Variants in ARAP2 observed in about 807,000 individuals in gnomAD.
The protein encoded by ARAP2 is ArfGAP with RhoGAP domain, ankyrin repeat and PH domain 2, also known as arf-GAP with Rho-GAP domain, ANK repeat and PH domain-containing protein 2.
A neutral mutation model predicts 194.5 loss-of-function variants in ARAP2; 148 were observed. That is an observed-to-expected ratio of 0.76 (90% CI 0.67 to 0.87). ARAP2 has a LOEUF of 0.87. Among genes scored for constraint, ARAP2 ranks in the 40% least tolerant of loss-of-function variants. The pLI, the probability that ARAP2 is intolerant of heterozygous loss-of-function variation, is 0.00. For missense variants in ARAP2, 2,128 were observed against 1,989.7 expected, an observed-to-expected ratio of 1.07 and a Z score of -1.32; for synonymous variants, 695 against 683.5, an observed-to-expected ratio of 1.02 and a Z score of -0.26.
At chr4:36,233,068 C>CT (rs1751803054) in intron 1 of ARAP2, among the ~76,000 whole-genome samples, 1 of 152,140 alleles carries the variant, frequency 6.6e-6, no homozygotes, top group Non-Finnish European at 1.5e-5. Context: ...AAGGCTCCCT[C>CT]CCACAGCCCT....
Position 36,159,463 on chromosome 4 carries a change from T to C in ARAP2, c.2485A>G (p.Met829Val). ...AVVKPDVLET[M>V]ALLFSGADVM... ...TCTGCTCCACTGAACAGCAAAGCCA[T>C]TGTTTCTAGAACATCCGGTTTCACT... Residue 829 changes from methionine to valine, a missense_variant, in exon 14 of 33, where the codon ATG (methionine) becomes GTG (valine). Physicochemically the swap from Met to Val is conservative, Grantham distance 21. Coordinates refer to ENST00000303965, the MANE Select transcript of ARAP2 (RefSeq NM_015230.4). 1 of 1,595,394 alleles carries C rather than the reference T, an allele frequency of 6.3e-7. No homozygotes were observed.
At chr4:36,229,949 C>A (rs1341611883) in intron 1 of ARAP2, among the ~76,000 whole-genome samples, 3 of 152,028 alleles carry the variant, frequency 2.0e-5, no homozygotes, top group Admixed American at 2.0e-4. Context: ...AATGAGGGAA[C>A]CAGTAAGTCA....
At position 36,123,859 on chromosome 4, in the gene ARAP2, T is replaced by TTTCTCCTACTC. The variant is rs558428919; in HGVS notation, c.3746+1002_3746+1003insGAGTAGGAGAA. Among the ~76,000 whole-genome samples, 807 of 151,902 alleles carry TTTCTCCTACTC rather than the reference T, an allele frequency of 5.3e-3. 11 individuals carry two copies. Among genetic ancestry groups the TTTCTCCTACTC allele is most frequent in the African/African-American group, 0.018 (760 of 41,520 alleles). ...TGTCCCAGACATTATCCTTCACTCATTTCTTTCACGCCCAATTCATATGTC... is the reference window on the plus strand; with the variant it reads ...TGTCCCAGACATTATCCTTCACTCATTTCTCCTACTCTTCTTTCACGCCCAATTCATATGTC... On this transcript the variant is annotated intron_variant, in intron 22 of 32. Transcript: ENST00000303965.
intron 5 of ARAP2, among the ~76,000 whole-genome samples, chr4:36,039,450 C>A (rs1209587978): frequency 2.0e-5 from 3 of 152,172 alleles, no homozygotes; most frequent in Admixed American, 1.3e-4. Context: ...CCTTCCTTTT[C>A]AAATTGGACC....
chr4:36,209,389 C>T (rs1201527682), intron 6 of ARAP2: 14 of 453,966 alleles, frequency 3.1e-5, no homozygotes, highest in Non-Finnish European at 5.3e-5. Context: ...AAGTAATCTG[C>T]TTTGGTTTAT....
intron 32 of ARAP2, among the ~76,000 whole-genome samples, chr4:36,070,384 AAGAG>A (rs1313698931): frequency 2.0e-5 from 3 of 152,332 alleles, no homozygotes; most frequent in Non-Finnish European, 2.9e-5. Flanking sequence ...ATAATTTAAA[AAGAG>A]AGAGAGATAA....
chr4:36,166,831 T>C (rs1735390201), intron 10 of ARAP2, 101 bp downstream of exon 10: 2 of 539,694 alleles, frequency 3.7e-6, no homozygotes, highest in Middle Eastern at 3.1e-4. Context: ...GAGATAATTT[T>C]AAATGGCCTA....
At chr4:36,025,992 C>T (rs1180119538) in intron 5 of ARAP2, among the ~76,000 whole-genome samples, 1 of 151,958 alleles carries the variant, frequency 6.6e-6, no homozygotes, top group African/African-American at 2.4e-5. Flanking sequence ...TTTATCTTCA[C>T]AAAACAAAAC....
Position 36,229,380 on chromosome 4 carries a change from T to G in ARAP2, c.107A>C (p.Lys36Thr), listed in dbSNP as rs1250718016. The change falls in exon 2 of 33, where the codon AAG becomes ACG. Residue 36 changes from lysine (K) to threonine (T), a missense_variant. Lys to Thr is a moderately conservative substitution (Grantham distance 78, BLOSUM62 -1). Transcript: ENST00000303965. ...GCTGTCATTTATTGCTGCACAGTCC[T>G]TCACAGTAGTAAAACCAGACTCATG... is the stretch of plus-strand genomic sequence containing the variant. Reference protein sequence around the residue: ...HFHESGFTTVKDCAAINDSLL... With the variant: ...HFHESGFTTVTDCAAINDSLL... The G allele has an allele frequency of 1.1e-5, 18 of 1,614,126 alleles. No individual in the cohort carries two copies. Among genetic ancestry groups the G allele is most frequent in the Non-Finnish European group, 1.5e-5 (18 of 1,179,986 alleles).
chr4:36,207,750 T>A (rs918229585), intron 6 of ARAP2, among the ~76,000 whole-genome samples: 1 of 152,152 alleles, frequency 6.6e-6, no homozygotes, highest in Non-Finnish European at 1.5e-5. Flanking sequence ...TGATAATTTA[T>A]GTGCATGTCT....
intron 6 of ARAP2, among the ~76,000 whole-genome samples, chr4:36,205,334 T>C (rs10023591): frequency 0.91 from 138,385 of 152,080 alleles, 63,009 homozygotes; most frequent in East Asian, 1. Flanking sequence ...GTAAGACATA[T>C]AAAACAAATG....
intron 5 of ARAP2, among the ~76,000 whole-genome samples, chr4:36,024,905 C>A (rs1192430543): frequency 6.6e-6 from 1 of 152,074 alleles, no homozygotes; most frequent in African/African-American, 2.4e-5. Flanking sequence ...TTCTGCTAGT[C>A]CTTGAAAGGA....
At chr4:36,179,250 A>C (rs1402888488) in intron 8 of ARAP2, among the ~76,000 whole-genome samples, 1 of 152,252 alleles carries the variant, frequency 6.6e-6, no homozygotes, top group African/African-American at 2.4e-5. Flanking sequence ...GAAAATTGAA[A>C]TACAATGACT....
chr4:36,235,652 T>G lies in ARAP2; in HGVS notation c.-159-6007A>C, dbSNP rs575043360. ...GTTCACTGCTCAGCTCAATAAATGT[T>G]TGCTGAATAATTTCTCCCTTGCTTT... On this transcript the variant is annotated intron_variant, in intron 1 of 32. Coordinates refer to ENST00000303965, the MANE Select transcript of ARAP2 (RefSeq NM_015230.4). Among the ~76,000 whole-genome samples, 21 of 152,354 alleles carry G rather than the reference T, an allele frequency of 1.4e-4. No individual in the cohort carries two copies. The East Asian group carries it at 4.0e-3, about 29-fold the overall frequency.
At chr4:36,020,738 T>C (rs13117501) in intron 5 of ARAP2, among the ~76,000 whole-genome samples, 25,807 of 151,860 alleles carry the variant, frequency 0.17, 2,398 homozygotes, top group Middle Eastern at 0.29. Flanking sequence ...GACTGCAGAG[T>C]GGGTGATGGA....
rs762557412 is a variant in ARAP2, at chr4:36,214,489, G to A, written c.906-9C>T. The A allele has an allele frequency of 1.3e-6, 2 of 1,585,516 alleles. No individual in the cohort carries two copies. Among genetic ancestry groups the A allele is most frequent in the East Asian group, 2.3e-5 (1 of 43,720 alleles). On this transcript the variant is annotated splice_polypyrimidine_tract_variant and intron_variant, in intron 2 of 32. Coordinates refer to ENST00000303965, the MANE Select transcript of ARAP2 (RefSeq NM_015230.4). The stretch of plus-strand genomic sequence containing the variant: ...TTCTTTCACGGAAATAGCTTAAAAA[G>A]CAAAGGAGAAAATACTTATGAGTGA...
intron 5 of ARAP2, among the ~76,000 whole-genome samples, chr4:36,020,131 C>A (rs904374948): frequency 1.3e-5 from 2 of 152,200 alleles, no homozygotes; most frequent in African/African-American, 4.8e-5. Context: ...GACAATCAGA[C>A]AGGGTGCGGC....
chr4:36,014,299 AG>A (rs1240424216), intron 8 of ARAP2, among the ~76,000 whole-genome samples: 2,189 of 120,982 alleles, frequency 0.018, 18 homozygotes, highest in Non-Finnish European at 0.024. Flanking sequence ...GAAAGAAAGA[AG>A]AGAAGGAAGG....
chr4:36,198,184 T>C (rs900683157), intron 6 of ARAP2, among the ~76,000 whole-genome samples: 2 of 152,092 alleles, frequency 1.3e-5, no homozygotes, highest in African/African-American at 4.8e-5. Flanking sequence ...AGGCAGGTCA[T>C]CTGATGTCTG....
Sources: gnomAD v4.1 joint callset for allele counts (sites outside exome capture counted in the v4.1 genomes callset) on GRCh38, gnomAD v4.1.1 for gene constraint, MANE v1.5 for transcripts, NCBI Gene and HGNC (gene_info 2026-07-23, HGNC 2026-07-21) for gene names.